The following IKBKB variants were observed in gnomAD, a reference collection of about 807,000 sequenced individuals.
IKBKB encodes inhibitor of nuclear factor kappa-B kinase subunit beta.
IKBKB carries 42 observed loss-of-function variants against 113.6 expected under a neutral mutation model. The observed-to-expected ratio is 0.37, with a 90% CI of 0.29 to 0.48. The LOEUF is 0.48. Ranked by LOEUF, IKBKB falls within the 20% of genes least tolerant of loss-of-function variation. IKBKB has a pLI of 0.99. For missense variants in IKBKB, 673 were observed against 939.7 expected (o/e 0.72, Z 3.71); for synonymous variants, 296 against 361.3 (o/e 0.82, Z 2.05).
intron 5 of IKBKB, among the ~76,000 whole-genome samples, chr8:42,298,850 A>G (rs904887123): frequency 5.3e-5 from 8 of 152,148 alleles, no homozygotes; most frequent in Admixed American, 1.3e-4. Context: ...CATCTCTGAC[A>G]TCCGCCAGCT....
At chr8:42,325,726 G>A (rs573966777) in intron 19 of IKBKB, 5 of 1,288,074 alleles carry the variant, frequency 3.9e-6, no homozygotes, top group East Asian at 7.4e-5. Context: ...GCAAATTAAT[G>A]TAGGCACCCA....
Position 42,316,134 on chromosome 8 carries a change from T to A in IKBKB, c.801-76T>A, listed in dbSNP as rs1585757949. On this transcript the variant is annotated intron_variant, in intron 9 of 21. Transcript: ENST00000520810. The surrounding 1 kb of genome is among the most constrained non-coding windows in gnomAD (Gnocchi z 4.5). ...CACCGTCTACTGGCTGCCGTCTGTG[T>A]GTATACTGGGAGACGCACACTGTAG... 8 of 1,524,420 alleles carry A rather than the reference T, an allele frequency of 5.2e-6. No individual in the cohort carries two copies. The East Asian group carries it at 1.8e-4, about 35-fold the overall frequency. 94.4% of individuals were successfully genotyped at this position (1,524,420 alleles called of 1,614,324 possible). A position where few individuals can be genotyped will look rare whatever the true frequency, so the allele number is the denominator to read the frequency against.
chr8:42,288,404 G>A (rs1309751199), intron 2 of IKBKB, among the ~76,000 whole-genome samples: 1 of 146,936 alleles, frequency 6.8e-6, no homozygotes. Context: ...AAAAAAAAAA[G>A]AGAGAGAAAG....
At chr8:42,271,841 C>G (rs796803961) in intron 1 of IKBKB, 1 of 555,048 alleles carries the variant, frequency 1.8e-6, no homozygotes, top group African/African-American at 1.9e-5. Flanking sequence ...GCATCGCCTC[C>G]CTCGGTGACT....
chr8:42,287,397 G>A (rs1292615728), intron 2 of IKBKB, among the ~76,000 whole-genome samples: 1 of 152,270 alleles, frequency 6.6e-6, no homozygotes, highest in African/African-American at 2.4e-5. Context: ...TCTTTGGCAT[G>A]TGCACTGAAG....
At chr8:42,291,630 C>T (rs1187331760) in intron 4 of IKBKB, among the ~76,000 whole-genome samples, 1 of 152,118 alleles carries the variant, frequency 6.6e-6, no homozygotes, top group Non-Finnish European at 1.5e-5. Context: ...GTGCTGTTCT[C>T]ACTGTTCCTC....
At chr8:42,273,891 T>A (rs749623412) in intron 2 of IKBKB, among the ~76,000 whole-genome samples, 1 of 152,152 alleles carries the variant, frequency 6.6e-6, no homozygotes, top group Non-Finnish European at 1.5e-5. Context: ...ATTGTACATA[T>A]TTATGGGGTA....
rs572941831 is a variant in IKBKB at position 42,281,976 on chromosome 8, C to G, written c.106-6658C>G. On this transcript the variant is annotated intron_variant, in intron 2 of 21. Coordinates refer to ENST00000520810, the MANE Select transcript of IKBKB (RefSeq NM_001556.3). ...GACTGGGTCTTCAGCTCGCATCTGC[C>G]AGGCACCTTTTGGTCTGAGGATGTG... Among the ~76,000 whole-genome samples the G allele has an allele frequency of 3.3e-5, 5 of 152,260 alleles. No homozygotes were observed. The South Asian group carries it at 1.0e-3, about 32-fold the overall frequency.
intron 20 of IKBKB, 86 bp from the exon 21 acceptor site, chr8:42,329,038 A>G: frequency 5.7e-6 from 6 of 1,060,972 alleles, no homozygotes; most frequent in Non-Finnish European, 8.3e-6. Context: ...AGTATTATCA[A>G]AACTCTCTAG....
chr8:42,330,710 A>C (rs967356492), intron 21 of IKBKB: 1 of 545,080 alleles, frequency 1.8e-6, no homozygotes, highest in African/African-American at 2.1e-5. Context: ...GGGTTTCACC[A>C]TTTTGGCCAG....
intron 8 of IKBKB, among the ~76,000 whole-genome samples, chr8:42,313,735 C>T (rs1051208486): frequency 1.3e-4 from 20 of 152,200 alleles, no homozygotes; most frequent in African/African-American, 4.6e-4. Flanking sequence ...GTGGTACTAT[C>T]TGCAGAACTC....
rs1042993484 is a variant in IKBKB at position 42,308,814 on chromosome 8, G to C, written c.568-87G>C. 1.7e-5 allele frequency: 23 copies of C among 1,326,832 alleles called. No homozygotes were observed. In the Admixed American group the frequency reaches 3.1e-4, roughly 18 times the overall value. 82.2% of individuals were successfully genotyped at this position (1,326,832 alleles called of 1,614,324 possible). On this transcript the variant is annotated intron_variant, in intron 7 of 21. Coordinates refer to ENST00000520810, the MANE Select transcript of IKBKB (RefSeq NM_001556.3). ...CAGTGCCCTCTAGGATGAAGCCAGG[G>C]GTGAAAGCAGATGGGCTGGCCGCCC...
intron 19 of IKBKB, 185 bp from the exon 20 acceptor site, chr8:42,325,785 G>A (rs1820622296): frequency 7.0e-7 from 1 of 1,438,152 alleles, no homozygotes. Flanking sequence ...CGTTGATACA[G>A]AAACACTTTT....
Position 42,330,839 on chromosome 8 carries a change from T to A in IKBKB, c.2206-75T>A. On this transcript the variant is annotated intron_variant, in intron 21 of 21. Coordinates refer to ENST00000520810, the MANE Select transcript of IKBKB (RefSeq NM_001556.3). Reference sequence around the variant, plus strand: ...TAGTATATTTCTCAATTGTCCTGATTTCCTCCTGAAGAGGAAAAATAACCT... The same window carrying A: ...TAGTATATTTCTCAATTGTCCTGATATCCTCCTGAAGAGGAAAAATAACCT... 5 of 1,611,324 alleles carry A rather than the reference T, an allele frequency of 3.1e-6. No individual in the cohort carries two copies. In the South Asian group the frequency reaches 3.3e-5, roughly 11 times the overall value.
chr8:42,296,984 T>A (rs1813998036), intron 5 of IKBKB, among the ~76,000 whole-genome samples: 1 of 152,228 alleles, frequency 6.6e-6, no homozygotes, highest in Non-Finnish European at 1.5e-5. Context: ...GGATTTTGAT[T>A]TTTGGCCTCT....
chr8:42,273,248 C>T (rs898408505), intron 2 of IKBKB, among the ~76,000 whole-genome samples: 28 of 152,088 alleles, frequency 1.8e-4, no homozygotes, highest in Non-Finnish European at 3.4e-4. Flanking sequence ...GAAACCTCAT[C>T]TCTACTAAAA....
rs145600428 is a variant in IKBKB at position 42,288,600 on chromosome 8, C to T, written c.106-34C>T. ...ACAGGGTGGGATTTGGCCTGCAGCT[C>T]GCTCTGCTGGTCCCCACTGTGCTGT... On this transcript the variant is annotated intron_variant, in intron 2 of 21. Coordinates refer to ENST00000520810, the MANE Select transcript of IKBKB (RefSeq NM_001556.3). 4.4e-3 allele frequency: 6,924 copies of T among 1,558,364 alleles called. 24 individuals are homozygous for T. Among genetic ancestry groups the T allele is most frequent in the Non-Finnish European group, 5.3e-3 (6,008 of 1,140,936 alleles).
chr8:42,291,736 G>A (rs1174377719), intron 4 of IKBKB, among the ~76,000 whole-genome samples: 1 of 152,048 alleles, frequency 6.6e-6, no homozygotes, highest in Non-Finnish European at 1.5e-5. Flanking sequence ...GACCAGCCTG[G>A]GCAACATACC....
At chr8:42,280,365 A>G (rs559082116) in intron 2 of IKBKB, among the ~76,000 whole-genome samples, 1 of 152,046 alleles carries the variant, frequency 6.6e-6, no homozygotes, top group African/African-American at 2.4e-5. Flanking sequence ...AGCACAAACC[A>G]CTTCCCAGTA....
Sources: allele counts gnomAD v4.1 joint callset (sites outside exome capture counted in the v4.1 genomes callset), GRCh38; gene constraint gnomAD v4.1.1; non-coding constraint Gnocchi (gnomAD v3.1); transcripts MANE v1.5; gene names NCBI Gene and HGNC (gene_info 2026-07-23, HGNC 2026-07-21).